The following DAB1 variants were observed in gnomAD, a reference collection of about 807,000 sequenced individuals.
DAB1 encodes the protein DAB adaptor protein 1.
A neutral mutation model predicts 64.6 loss-of-function variants in DAB1; 15 were observed. The observed-to-expected ratio is 0.23, with a 90% CI of 0.16 to 0.36. The LOEUF (loss-of-function observed/expected upper bound fraction) is 0.36, where lower values mean the gene tolerates loss of function less well. DAB1 is among the 10% of genes least tolerant of loss of function. DAB1 has a pLI of 1.00. For synonymous variants in DAB1, 235 were observed against 251.9 expected (o/e 0.93, Z 0.64); for missense variants, 596 against 706.7 (o/e 0.84, Z 1.78).
chr1:58,163,178 A>G (rs1655636069), intron 4 of DAB1, among the ~76,000 whole-genome samples: 1 of 152,204 alleles, frequency 6.6e-6, no homozygotes, highest in Non-Finnish European at 1.5e-5. Flanking sequence ...GGCAGAGCCT[A>G]AGAGGGAGCC....
chr1:58,274,586 C>T (rs138707865), intron 4 of DAB1, among the ~76,000 whole-genome samples: 134,278 of 146,346 alleles, frequency 0.92, 61,612 homozygotes, highest in Middle Eastern at 0.95. Context: ...TGGGCAATGG[C>T]GGGCGCCCCT....
chr1:58,378,996 CT>C (rs1196254107), intron 3 of DAB1, among the ~76,000 whole-genome samples: 1 of 148,230 alleles, frequency 6.7e-6, no homozygotes, highest in African/African-American at 2.5e-5. Flanking sequence ...TCCCTGACCC[CT>C]TGCGCTTCCC....
At chr1:57,651,221 C>T (rs958223340) in intron 6 of DAB1, among the ~76,000 whole-genome samples, 1 of 151,774 alleles carries the variant, frequency 6.6e-6, no homozygotes, top group South Asian at 2.1e-4. Flanking sequence ...TAAAATATCA[C>T]AGCCTAGTGA....
chr1:58,432,911 G>A (rs751086081), intron 3 of DAB1, among the ~76,000 whole-genome samples: 11 of 152,176 alleles, frequency 7.2e-5, no homozygotes, highest in African/African-American at 2.7e-4. Context: ...TTCACGTGAC[G>A]ACATCAGGGA....
At chr1:57,252,649 A>G (rs1669439448) in intron 2 of DAB1, among the ~76,000 whole-genome samples, 1 of 152,256 alleles carries the variant, frequency 6.6e-6, no homozygotes, top group Non-Finnish European at 1.5e-5. Context: ...TGCTGTGATC[A>G]GTAATACAAC....
chr1:58,192,479 T>C (rs768460567), intron 4 of DAB1, among the ~76,000 whole-genome samples: 1 of 152,210 alleles, frequency 6.6e-6, no homozygotes, highest in Admixed American at 6.5e-5. Context: ...TCCATGTGTA[T>C]CATTGTTATC....
At chr1:57,285,287 G>C (rs1187658940) in intron 2 of DAB1, among the ~76,000 whole-genome samples, 3 of 151,778 alleles carry the variant, frequency 2.0e-5, no homozygotes, top group Admixed American at 1.3e-4. Context: ...TTCTTTTTGA[G>C]TTTTGAGTTT....
intron 5 of DAB1, among the ~76,000 whole-genome samples, chr1:58,110,301 G>A (rs1449551983): frequency 6.6e-6 from 1 of 152,156 alleles, no homozygotes; most frequent in African/African-American, 2.4e-5. Flanking sequence ...TTCAAAGTGG[G>A]ATTCTGTCAT....
intron 7 of DAB1, among the ~76,000 whole-genome samples, chr1:57,509,435 A>T (rs1644383386): frequency 1.3e-5 from 2 of 151,776 alleles, no homozygotes; most frequent in African/African-American, 4.8e-5. Context: ...AGCTAGAAAC[A>T]TATATTTTAG....
At chr1:57,897,355 G>A (rs1385963100) in intron 5 of DAB1, among the ~76,000 whole-genome samples, 1 of 152,184 alleles carries the variant, frequency 6.6e-6, no homozygotes, top group Non-Finnish European at 1.5e-5. Context: ...GACAGGCAGA[G>A]TGTGGAAACC....
At chr1:58,282,190 G>T (rs776762991) in intron 4 of DAB1, among the ~76,000 whole-genome samples, 4 of 152,122 alleles carry the variant, frequency 2.6e-5, no homozygotes, top group African/African-American at 9.7e-5. Flanking sequence ...TTCTTCCCCA[G>T]AGAAGCCTTC....
intron 5 of DAB1, among the ~76,000 whole-genome samples, chr1:58,015,088 G>T (rs1455332195): frequency 6.6e-6 from 1 of 152,194 alleles, no homozygotes; most frequent in East Asian, 1.9e-4. Flanking sequence ...AGAGGCAGCT[G>T]CCCCACTTGT....
chr1:57,653,924 T>C (rs1396638569), intron 6 of DAB1, among the ~76,000 whole-genome samples: 1 of 152,220 alleles, frequency 6.6e-6, no homozygotes, highest in African/African-American at 2.4e-5. Flanking sequence ...TAGATATTGC[T>C]CTACAAAGTG....
At chr1:58,095,108 C>T (rs1272216701) in intron 5 of DAB1, among the ~76,000 whole-genome samples, 1 of 152,168 alleles carries the variant, frequency 6.6e-6, no homozygotes, top group African/African-American at 2.4e-5. Flanking sequence ...GACCCCGGCT[C>T]TCGACTGTAA....
chr1:57,431,176 A>C (rs1011557499), intron 7 of DAB1, among the ~76,000 whole-genome samples: 1 of 151,962 alleles, frequency 6.6e-6, no homozygotes, highest in African/African-American at 2.4e-5. Flanking sequence ...AAAAAAAAGA[A>C]GACAGAATGT....
chr1:57,681,677 G>T (rs1646637877), intron 6 of DAB1, among the ~76,000 whole-genome samples: 1 of 152,292 alleles, frequency 6.6e-6, no homozygotes, highest in African/African-American at 2.4e-5. Flanking sequence ...AAAGGGAACT[G>T]TCAGTAGATA....
intron 7 of DAB1, among the ~76,000 whole-genome samples, chr1:57,567,007 C>A (rs553242558): frequency 2.4e-4 from 36 of 152,252 alleles, no homozygotes; most frequent in Non-Finnish European, 4.3e-4. Flanking sequence ...CCCTGATGAA[C>A]GTCAATGCAA....
intron 5 of DAB1, among the ~76,000 whole-genome samples, chr1:58,083,940 C>T (rs527717793): frequency 2.6e-5 from 4 of 152,132 alleles, no homozygotes; most frequent in South Asian, 2.1e-4. Flanking sequence ...CTAGGGAGAG[C>T]GAACAGCAAG....
chr1:57,555,419 C>CTTTTT, intron 7 of DAB1, among the ~76,000 whole-genome samples: 1 of 138,922 alleles, frequency 7.2e-6, no homozygotes. Flanking sequence ...CTTTCAAGAG[C>CTTTTT]AAATAATAGA....
Sources: gnomAD v4.1 joint callset for allele counts (sites outside exome capture counted in the v4.1 genomes callset) on GRCh38, gnomAD v4.1.1 for gene constraint, MANE v1.5 for transcripts, NCBI Gene and HGNC (gene_info 2026-07-23, HGNC 2026-07-21) for gene names.